Variants in LINGO1 observed in about 807,000 individuals in gnomAD.
LINGO1 encodes the protein leucine rich repeat and Ig domain containing 1, also known as leucine-rich repeat and immunoglobulin-like domain-containing nogo receptor-interacting protein 1.
A neutral mutation model predicts 37.3 loss-of-function variants in LINGO1; 11 were observed. That is an observed-to-expected ratio of 0.29 (90% CI 0.19 to 0.49). LINGO1 has a LOEUF of 0.49. Among genes scored for constraint, LINGO1 ranks in the 20% least tolerant of loss-of-function variants. The pLI is 0.99. For missense variants in LINGO1, 585 were observed against 878.2 expected, an observed-to-expected ratio of 0.67 and a Z score of 4.22; for synonymous variants, 387 against 403.0, an observed-to-expected ratio of 0.96 and a Z score of 0.48.
At chr15:77,621,107 T>G (rs1473496939) in intron 1 of LINGO1, among the ~76,000 whole-genome samples, 1 of 151,290 alleles carries the variant, frequency 6.6e-6, no homozygotes, top group African/African-American at 2.4e-5. Context: ...CAGGCTGGAG[T>G]GCAGTGGCGA....
intron 1 of LINGO1, among the ~76,000 whole-genome samples, chr15:77,740,355 T>C (rs1379667833): frequency 1.3e-5 from 2 of 152,094 alleles, no homozygotes; most frequent in Non-Finnish European, 2.9e-5. Context: ...GTCCCCAAAT[T>C]ACTTACCTGG....
At position 77,704,408 on chromosome 15, in the gene LINGO1, C is replaced by T. The variant is rs1448060535; in HGVS notation, c.-194-13507G>A. On this transcript the variant is annotated intron_variant, in intron 2 of 3. Transcript: ENST00000561686. ...CCCCGACCCTGATCACAGATTGAAC[C>T]CCAACCCTGGCCACACACTGAATCC... Among the ~76,000 whole-genome samples, 57 of 150,288 alleles carry T rather than the reference C, an allele frequency of 3.8e-4. 2 individuals are homozygous for T. The highest frequency in any genetic ancestry group is 1.4e-3 in the African/African-American group (54 of 39,954).
intron 2 of LINGO1, among the ~76,000 whole-genome samples, chr15:77,685,220 A>C (rs1165936148): frequency 6.6e-6 from 1 of 152,120 alleles, no homozygotes; most frequent in Non-Finnish European, 1.5e-5. Flanking sequence ...CCTCCAGCCC[A>C]GCAGGGAAGG....
chr15:77,775,616 C>T (rs528726808), intron 1 of LINGO1, among the ~76,000 whole-genome samples: 17 of 152,274 alleles, frequency 1.1e-4, no homozygotes, highest in Admixed American at 3.3e-4. Flanking sequence ...GCACAGCAGG[C>T]GTGACTGGGC....
chr15:77,711,580 C>T (rs2075918243), intron 2 of LINGO1, among the ~76,000 whole-genome samples: 1 of 152,238 alleles, frequency 6.6e-6, no homozygotes, highest in Non-Finnish European at 1.5e-5. Flanking sequence ...GTCAATTCCT[C>T]TCTCTAAGCC....
chr15:77,705,435 C>T lies in LINGO1; in HGVS notation c.-194-14534G>A, dbSNP rs554956261. ...GAGGTCACTGGGAGGTGCGTGGTGG[C>T]CCCAGGGCTCCCGTCCTGGTCCAGG... On this transcript the variant is annotated intron_variant, in intron 2 of 3. Transcript: ENST00000561686. Among the ~76,000 whole-genome samples the T allele has an allele frequency of 5.9e-5, 9 of 152,224 alleles. No individual in the cohort carries two copies. The South Asian group carries it at 1.9e-3, about 32-fold the overall frequency.
chr15:77,676,424 C>G (rs534894051), intron 3 of LINGO1, among the ~76,000 whole-genome samples: 1 of 152,244 alleles, frequency 6.6e-6, no homozygotes, highest in Non-Finnish European at 1.5e-5. Flanking sequence ...TTTAACTGGA[C>G]AGCAGTATTT....
At chr15:77,771,018 T>C (rs916720233) in intron 1 of LINGO1, among the ~76,000 whole-genome samples, 18 of 151,938 alleles carry the variant, frequency 1.2e-4, no homozygotes, top group Admixed American at 1.0e-3. Context: ...ACAACACCTC[T>C]CCACACACCA....
At chr15:77,709,706 C>A (rs1210230322) in intron 2 of LINGO1, among the ~76,000 whole-genome samples, 1 of 152,238 alleles carries the variant, frequency 6.6e-6, no homozygotes, top group Non-Finnish European at 1.5e-5. Context: ...GCTGCAGGCC[C>A]ACTGCTTTGA....
At chr15:77,633,420 G>A (rs1279014339), upstream of LINGO1, among the ~76,000 whole-genome samples, 1 of 152,204 alleles carries the variant, frequency 6.6e-6, no homozygotes, top group Non-Finnish European at 1.5e-5. Flanking sequence ...GCATGGGGAG[G>A]CCGACCGGGA....
chr15:77,753,240 C>T (rs2076388261), intron 1 of LINGO1, among the ~76,000 whole-genome samples: 1 of 152,192 alleles, frequency 6.6e-6, no homozygotes, highest in South Asian at 2.1e-4. Context: ...CTAGGAAGTC[C>T]TTCTAAAGCT....
intron 2 of LINGO1, among the ~76,000 whole-genome samples, chr15:77,688,421 C>T (rs1477584464): frequency 6.6e-6 from 1 of 152,210 alleles, no homozygotes; most frequent in Non-Finnish European, 1.5e-5. Context: ...GGTTTCCCAG[C>T]CTCTTTCATT....
intron 3 of LINGO1, among the ~76,000 whole-genome samples, chr15:77,654,869 C>T (rs1334747405): frequency 6.6e-6 from 1 of 152,192 alleles, no homozygotes; most frequent in Non-Finnish European, 1.5e-5. Context: ...GGACTCAATA[C>T]TTGGGCTCTG....
chr15:77,699,771 T>TCACCTGCATACAGTAAG (rs1567532365), upstream of LINGO1, among the ~76,000 whole-genome samples: 13 of 89,102 alleles, frequency 1.5e-4, no homozygotes, highest in South Asian at 3.7e-4. Context: ...ATACTAACCA[T>TCACCTGCATACAGTAAG]CATTCCCCCC....
intron 2 of LINGO1, among the ~76,000 whole-genome samples, chr15:77,709,129 G>C (rs953512529): frequency 6.6e-6 from 1 of 152,206 alleles, no homozygotes; most frequent in African/African-American, 2.4e-5. Flanking sequence ...AGCTGTGAGA[G>C]AGTAATTTCT....
chr15:77,768,913 C>T (rs1382253066), intron 1 of LINGO1, among the ~76,000 whole-genome samples: 1 of 152,220 alleles, frequency 6.6e-6, no homozygotes, highest in East Asian at 1.9e-4. Flanking sequence ...GGTCCCCCTG[C>T]CTGGGGTTTC....
intron 1 of LINGO1, among the ~76,000 whole-genome samples, chr15:77,772,904 C>A (rs774928385): frequency 6.6e-6 from 1 of 152,164 alleles, no homozygotes; most frequent in African/African-American, 2.4e-5. Context: ...GAACCAGCTT[C>A]GGCTCTGGGG....
At chr15:77,707,094 A>G (rs11072662) in intron 2 of LINGO1, among the ~76,000 whole-genome samples, 72,671 of 152,086 alleles carry the variant, frequency 0.48, 17,707 homozygotes, top group Admixed American at 0.59. Context: ...TGTTCTCGAA[A>G]CAAATTGCCT....
Position 77,614,449 on chromosome 15 carries a change from G to A in LINGO1, c.1458C>T (p.Tyr486=), listed in dbSNP as rs199659139. 3.5e-5 allele frequency: 57 copies of A among 1,611,280 alleles called. No individual in the cohort carries two copies. In the African/African-American group the frequency reaches 5.9e-4, roughly 17 times the overall value. Residue 486 remains tyrosine (Y), a synonymous_variant, in exon 2 of 2, where the codon TAC becomes TAT. Transcript: ENST00000355300. ...VFPDGTLEVR[Y]AQVQDNGTYL... is the part of the protein sequence containing the mutation. ...ACGTGCCGTTGTCCTGTACCTGGGC[G>A]TAGCGCACCTCCAGCGTGCCATCAG... is the stretch of plus-strand genomic sequence containing the variant.
Sources: allele counts gnomAD v4.1 joint callset (sites outside exome capture counted in the v4.1 genomes callset), GRCh38; gene constraint gnomAD v4.1.1; transcripts MANE v1.5; gene names NCBI Gene and HGNC (gene_info 2026-07-23, HGNC 2026-07-21).